The following ZNF708 variants were observed in gnomAD, a reference collection of about 807,000 sequenced individuals.
ZNF708 encodes the protein ZNF15, ZNF15L1.
Under a neutral mutation model 47.0 loss-of-function variants are expected in ZNF708, and 44 were observed. The ratio of observed to expected loss-of-function variants is 0.94; its 90% confidence interval spans 0.74 to 1.20. The LOEUF (loss-of-function observed/expected upper bound fraction) is 1.20, where lower values mean the gene tolerates loss of function less well. ZNF708 is among the 50% of genes most tolerant of loss of function. ZNF708 has a pLI of 0.00. For synonymous variants in ZNF708, 184 were observed against 218.5 expected (o/e 0.84, Z 1.39); for missense variants, 557 against 656.0 (o/e 0.85, Z 1.65).
chr19:21,309,698 C>T (rs1568350520), intron 2 of ZNF708, among the ~76,000 whole-genome samples: 1 of 151,990 alleles, frequency 6.6e-6, no homozygotes, highest in Non-Finnish European at 1.5e-5. Flanking sequence ...CAGAGCAAGA[C>T]TCCGTCTCAG....
chr19:21,305,325 T>C (rs926913297), intron 3 of ZNF708, among the ~76,000 whole-genome samples: 2 of 151,614 alleles, frequency 1.3e-5, no homozygotes, highest in African/African-American at 4.8e-5. Context: ...CAACATATTC[T>C]TGCTCCAGGG....
chr19:21,305,004 T>A (rs1972730829), intron 3 of ZNF708, among the ~76,000 whole-genome samples: 1 of 151,638 alleles, frequency 6.6e-6, no homozygotes, highest in Admixed American at 6.6e-5. Context: ...TAAAACACAC[T>A]CTTCAACAGA....
chr19:21,296,056 G>T (rs1678822), intron 3 of ZNF708, among the ~76,000 whole-genome samples: 30,039 of 151,852 alleles, frequency 0.2, 3,229 homozygotes, highest in Non-Finnish European at 0.24. Context: ...AATCTTGGGA[G>T]CTGCAAGATA....
chr19:21,318,528 G>C (rs1973061498), intron 1 of ZNF708: 1 of 152,124 alleles, frequency 6.6e-6, no homozygotes, highest in Non-Finnish European at 1.5e-5. Flanking sequence ...TCCCCTAAAA[G>C]GAATTTCTCT....
In ZNF708 at chr19:21,293,572, T is replaced by A; in HGVS notation, c.1394A>T (p.Asn465Ile). 6.2e-7 allele frequency: 1 copy of A among 1,612,960 alleles called. No individual in the cohort carries two copies. Among genetic ancestry groups the A allele is most frequent in the Non-Finnish European group, 8.5e-7 (1 of 1,179,664 alleles). Residue 465 changes from asparagine to isoleucine, a missense_variant, in exon 4 of 4, where the codon AAT becomes ATT. Physicochemically the swap from Asn to Ile is moderately radical, Grantham distance 149. Transcript: ENST00000356929. ...CTCTCCAGTATGAATTTTTTTATGATTAGTAAAATTTGAGGAGTAGTTAAA... is the reference window on the plus strand; with the variant it reads ...CTCTCCAGTATGAATTTTTTTATGAATAGTAAAATTTGAGGAGTAGTTAAA... ...KTFNYSSNFT[N>I]HKKIHTGEKP... is the part of the protein sequence containing the mutation.
At chr19:21,324,101 G>A (rs1342977372) in intron 1 of ZNF708, among the ~76,000 whole-genome samples, 10 of 150,428 alleles carry the variant, frequency 6.6e-5, no homozygotes, top group African/African-American at 1.5e-4. Flanking sequence ...AAAATTAGTC[G>A]GGCGTGGTGG....
At chr19:21,296,065 T>C (rs920903496) in intron 3 of ZNF708, among the ~76,000 whole-genome samples, 1 of 151,672 alleles carries the variant, frequency 6.6e-6, no homozygotes, top group Non-Finnish European at 1.5e-5. Flanking sequence ...AGCTGCAAGA[T>C]AAAGTAATGT....
Position 21,294,110 on chromosome 19 carries a change from C to A in ZNF708, c.856G>T (p.Gly286Cys). ...GEKPYKCEECGKAFKQSSNLT... is the reference protein window; with the variant it reads ...GEKPYKCEECCKAFKQSSNLT... ...TTTGAGGACTGTTTAAAAGCTTTGC[C>A]ACATTCTTCACATTTGTAGGGTTTC... Residue 286 changes from glycine (G) to cysteine (C), a missense_variant, in exon 4 of 4, where the codon GGC becomes TGC. Physicochemically the swap from Gly to Cys is radical, Grantham distance 159. Coordinates refer to ENST00000356929, the MANE Select transcript of ZNF708 (RefSeq NM_021269.3). 1 of 1,613,294 alleles carries A rather than the reference C, an allele frequency of 6.2e-7. No homozygotes were observed. The highest frequency in any genetic ancestry group is 1.1e-5 in the South Asian group (1 of 91,062).
At chr19:21,313,367 T>A (rs965346194) in intron 1 of ZNF708, among the ~76,000 whole-genome samples, 1 of 151,968 alleles carries the variant, frequency 6.6e-6, no homozygotes, top group Non-Finnish European at 1.5e-5. Flanking sequence ...CATAACATCA[T>A]GCAAGTTGGT....
In ZNF708 at chr19:21,295,694, G is replaced by C. The variant is rs1353683013; in HGVS notation, c.227-955C>G. Among the ~76,000 whole-genome samples the C allele has an allele frequency of 3.3e-5, 5 of 151,932 alleles. No individual in the cohort carries two copies. In the East Asian group the frequency reaches 9.7e-4, roughly 29 times the overall value. On this transcript the variant is annotated intron_variant, in intron 3 of 3. Coordinates refer to ENST00000356929, the MANE Select transcript of ZNF708 (RefSeq NM_021269.3). Reference sequence around the variant, plus strand: ...CGGGAGGCAGAGGTTGTGGTGAGCTGATATCATGCCATTGCACTCCAGCCT... The same window carrying C: ...CGGGAGGCAGAGGTTGTGGTGAGCTCATATCATGCCATTGCACTCCAGCCT...
chr19:21,308,127 A>G (rs1027684657), intron 3 of ZNF708, among the ~76,000 whole-genome samples: 37 of 152,214 alleles, frequency 2.4e-4, no homozygotes, highest in Non-Finnish European at 1.0e-4. Flanking sequence ...AAAATATTTA[A>G]TATCTATGGA....
chr19:21,307,126 T>TA (rs1263578633), intron 3 of ZNF708, among the ~76,000 whole-genome samples: 6 of 134,264 alleles, frequency 4.5e-5, no homozygotes, highest in Admixed American at 4.4e-4. Context: ...AAATATAAAA[T>TA]AAAAAATAAA....
At chr19:21,320,018 A>G (rs931681523) in intron 1 of ZNF708, among the ~76,000 whole-genome samples, 3 of 152,146 alleles carry the variant, frequency 2.0e-5, no homozygotes, top group Admixed American at 1.3e-4. Context: ...TCTACTAAAA[A>G]TACAAAAATT....
intron 3 of ZNF708, among the ~76,000 whole-genome samples, chr19:21,298,817 A>G (rs1025851150): frequency 6.6e-6 from 1 of 152,328 alleles, no homozygotes; most frequent in Admixed American, 6.5e-5. Context: ...AGCAATGCAA[A>G]TTTCTGTTAC....
At chr19:21,301,657 C>T (rs1972662539) in intron 3 of ZNF708, among the ~76,000 whole-genome samples, 1 of 151,780 alleles carries the variant, frequency 6.6e-6, no homozygotes, top group African/African-American at 2.4e-5. Flanking sequence ...ATTAGCTGGG[C>T]ATGGTGGCAC....
chr19:21,310,643 A>T lies in ZNF708; in HGVS notation c.4-16T>A, dbSNP rs1387445111. 4 of 1,486,160 alleles carry T rather than the reference A, an allele frequency of 2.7e-6. No individual in the cohort carries two copies. Among genetic ancestry groups the T allele is most frequent in the Non-Finnish European group, 2.7e-6 (3 of 1,117,104 alleles). 92.1% of individuals were successfully genotyped at this position (1,486,160 alleles called of 1,614,324 possible). ...TCAATGGTCCCTGAAAAACACATAC[A>T]CACACACATATTTACCAAGTGGTTA... On this transcript the variant is annotated splice_polypyrimidine_tract_variant and intron_variant, in intron 1 of 3. Coordinates refer to ENST00000356929, the MANE Select transcript of ZNF708 (RefSeq NM_021269.3).
At chr19:21,315,076 G>T (rs1972975433) in intron 1 of ZNF708, among the ~76,000 whole-genome samples, 1 of 152,120 alleles carries the variant, frequency 6.6e-6, no homozygotes, top group South Asian at 2.1e-4. Context: ...TTACAGGCAG[G>T]TATAGTTGTG....
intron 1 of ZNF708, among the ~76,000 whole-genome samples, chr19:21,315,896 C>A (rs1972991570): frequency 6.6e-6 from 1 of 151,594 alleles, no homozygotes; most frequent in Non-Finnish European, 1.5e-5. Flanking sequence ...TAATGTCTCT[C>A]TGAGACTTAT....
intron 1 of ZNF708, among the ~76,000 whole-genome samples, chr19:21,328,938 G>C (rs1417032671): frequency 6.6e-6 from 1 of 152,198 alleles, no homozygotes; most frequent in Non-Finnish European, 1.5e-5. Context: ...CAATCTGGGA[G>C]AGGCGCGGCG....
Sources: allele counts gnomAD v4.1 joint callset (sites outside exome capture counted in the v4.1 genomes callset), GRCh38; gene constraint gnomAD v4.1.1; transcripts MANE v1.5; gene names NCBI Gene and HGNC (gene_info 2026-07-23, HGNC 2026-07-21).